The following AGBL4 variants were observed in gnomAD, a reference collection of about 807,000 sequenced individuals.
AGBL4 encodes the protein cytosolic carboxypeptidase 6.
A neutral mutation model predicts 66.4 loss-of-function variants in AGBL4; 58 were observed. That is an observed-to-expected ratio of 0.87 (90% CI 0.71 to 1.09). The LOEUF (loss-of-function observed/expected upper bound fraction) is 1.09, where lower values mean the gene tolerates loss of function less well. Ranked by LOEUF, AGBL4 falls within the 50% of genes least tolerant of loss-of-function variation. AGBL4 has a pLI of 0.00. For synonymous variants in AGBL4, 234 were observed against 222.9 expected (o/e 1.05, Z -0.44); for missense variants, 579 against 631.0 (o/e 0.92, Z 0.88).
intron 4 of AGBL4, among the ~76,000 whole-genome samples, chr1:49,175,795 G>A (rs1330720194): frequency 1.3e-5 from 2 of 152,154 alleles, no homozygotes; most frequent in African/African-American, 2.4e-5. Flanking sequence ...CAAGGTCAAA[G>A]AGAAAGACAG....
At chr1:49,553,717 T>C (rs1394079553) in intron 3 of AGBL4, among the ~76,000 whole-genome samples, 3 of 152,214 alleles carry the variant, frequency 2.0e-5, no homozygotes, top group Non-Finnish European at 4.4e-5. Flanking sequence ...ACTATAAAAG[T>C]AAAATACTTC....
chr1:48,958,062 G>A (rs1218983249), intron 5 of AGBL4, among the ~76,000 whole-genome samples: 10 of 151,748 alleles, frequency 6.6e-5, no homozygotes, highest in East Asian at 1.9e-4. Flanking sequence ...GTTTCACCGC[G>A]TTACCCAGGA....
At chr1:48,705,825 T>C (rs1646873321) in intron 6 of AGBL4, among the ~76,000 whole-genome samples, 2 of 151,356 alleles carry the variant, frequency 1.3e-5, no homozygotes, top group Non-Finnish European at 2.9e-5. Flanking sequence ...TGGTGTTAAG[T>C]TGATAAAAAG....
At chr1:49,042,228 T>A (rs920021748) in intron 5 of AGBL4, among the ~76,000 whole-genome samples, 1 of 152,076 alleles carries the variant, frequency 6.6e-6, no homozygotes, top group African/African-American at 2.4e-5. Context: ...TTTTTCCAAC[T>A]GAGGAATTCC....
At chr1:49,415,983 C>T (rs1645418823) in intron 3 of AGBL4, among the ~76,000 whole-genome samples, 1 of 152,054 alleles carries the variant, frequency 6.6e-6, no homozygotes, top group African/African-American at 2.4e-5. Flanking sequence ...TCTACACAAC[C>T]TTGCCTTTGG....
chr1:48,977,639 A>C (rs1659443948), intron 5 of AGBL4, among the ~76,000 whole-genome samples: 1 of 152,106 alleles, frequency 6.6e-6, no homozygotes, highest in African/African-American at 2.4e-5. Context: ...TAATGGCTCC[A>C]TTGAAGTAGA....
chr1:49,940,332 C>A (rs1654614701), intron 1 of AGBL4, among the ~76,000 whole-genome samples: 1 of 152,062 alleles, frequency 6.6e-6, no homozygotes, highest in Non-Finnish European at 1.5e-5. Flanking sequence ...ACCATTTGAC[C>A]CAGCCATCCC....
chr1:49,388,813 C>A (rs1054997724), intron 3 of AGBL4, among the ~76,000 whole-genome samples: 2 of 152,102 alleles, frequency 1.3e-5, no homozygotes, highest in Non-Finnish European at 2.9e-5. Context: ...CAGATGCATT[C>A]GCACAGAAGT....
chr1:49,880,631 C>T (rs1256256451), intron 1 of AGBL4, among the ~76,000 whole-genome samples: 1 of 152,136 alleles, frequency 6.6e-6, no homozygotes, highest in Non-Finnish European at 1.5e-5. Flanking sequence ...GTGCCCTGCC[C>T]CCAGAGGTGG....
chr1:49,637,245 T>A (rs1315905194), intron 3 of AGBL4, among the ~76,000 whole-genome samples: 1 of 152,202 alleles, frequency 6.6e-6, no homozygotes, highest in African/African-American at 2.4e-5. Context: ...TCTGTTCCTT[T>A]AAAGAACCCT....
At chr1:49,885,346 G>C (rs1647908844) in intron 1 of AGBL4, among the ~76,000 whole-genome samples, 1 of 151,822 alleles carries the variant, frequency 6.6e-6, no homozygotes, top group Non-Finnish European at 1.5e-5. Flanking sequence ...GGATGTTTTA[G>C]GGAAGATAAT....
intron 3 of AGBL4, among the ~76,000 whole-genome samples, chr1:49,327,591 G>T (rs900848816): frequency 1.3e-5 from 2 of 152,202 alleles, no homozygotes; most frequent in African/African-American, 4.8e-5. Flanking sequence ...CCCCAGAGGG[G>T]AGTAAGGCTA....
chr1:49,772,379 C>T (rs1008549514), intron 2 of AGBL4, among the ~76,000 whole-genome samples: 1 of 152,028 alleles, frequency 6.6e-6, no homozygotes, highest in African/African-American at 2.4e-5. Flanking sequence ...AGCTTTAAAC[C>T]TTCATTAGAG....
At chr1:49,566,672 G>A (rs981959888) in intron 3 of AGBL4, among the ~76,000 whole-genome samples, 1 of 152,136 alleles carries the variant, frequency 6.6e-6, no homozygotes, top group Non-Finnish European at 1.5e-5. Context: ...TTGTCTCAGA[G>A]GGGTACCTGG....
At chr1:48,526,604 G>C in the AGBL4 span, among the ~76,000 whole-genome samples, 2,111 of 152,264 alleles carry the variant, frequency 0.014, 46 homozygotes, top group African/African-American at 0.048. Flanking sequence ...AGTAGCATTA[G>C]ATTAGCAGTA....
intron 1 of AGBL4, among the ~76,000 whole-genome samples, chr1:49,880,414 C>G (rs1391898998): frequency 2.0e-5 from 3 of 151,924 alleles, no homozygotes; most frequent in Non-Finnish European, 4.4e-5. Context: ...GTTGGAATAC[C>G]CTGCTGTGTG....
intron 6 of AGBL4, among the ~76,000 whole-genome samples, chr1:48,789,209 T>G (rs1257371322): frequency 6.6e-6 from 1 of 152,066 alleles, no homozygotes; most frequent in African/African-American, 2.4e-5. Flanking sequence ...TGTCATCCAC[T>G]GGGTGTGTTA....
chr1:49,119,633 T>C (rs1645609342), intron 4 of AGBL4, among the ~76,000 whole-genome samples: 1 of 152,196 alleles, frequency 6.6e-6, no homozygotes, highest in African/African-American at 2.4e-5. Context: ...TGGTCAATTT[T>C]CGAATAAGTG....
rs760695104 is a variant in AGBL4, at chr1:49,526,725, T to C, written c.282+170588A>G. ...AGAGGATGACAAAGAGTTTGGAGCA[T>C]AGAATATGACAGAGTTCTTTCCATG... is the stretch of plus-strand genomic sequence containing the variant. On this transcript the variant is annotated intron_variant, in intron 3 of 13. Transcript: ENST00000371839. Among the ~76,000 whole-genome samples the C allele has an allele frequency of 3.5e-4, 54 of 152,130 alleles. 1 individual carries two copies. Among genetic ancestry groups the C allele is most frequent in the Non-Finnish European group, 7.2e-4 (49 of 68,010 alleles).
Sources: allele counts gnomAD v4.1 joint callset (sites outside exome capture counted in the v4.1 genomes callset), GRCh38; gene constraint gnomAD v4.1.1; transcripts MANE v1.5; gene names NCBI Gene and HGNC (gene_info 2026-07-23, HGNC 2026-07-21).